The following TMEM163 variants were observed in gnomAD, a reference collection of about 807,000 sequenced individuals.
TMEM163 encodes transmembrane protein 163.
A neutral mutation model predicts 29.3 loss-of-function variants in TMEM163; 17 were observed. That is an observed-to-expected ratio of 0.58 (90% confidence interval 0.40 to 0.87). The LOEUF (loss-of-function observed/expected upper bound fraction) is 0.87, where lower values mean the gene tolerates loss of function less well. Among genes scored for constraint, TMEM163 ranks in the 40% least tolerant of loss-of-function variants. The pLI, the probability that TMEM163 is intolerant of heterozygous loss-of-function variation, is 0.00. For synonymous variants in TMEM163, 157 were observed against 160.6 expected (o/e 0.98, Z 0.17); for missense variants, 303 against 381.5 (o/e 0.79, Z 1.71).
intron 2 of TMEM163, among the ~76,000 whole-genome samples, chr2:134,585,728 C>T (rs1002574528): frequency 1.8e-4 from 25 of 137,942 alleles, no homozygotes; most frequent in South Asian, 7.6e-4. Flanking sequence ...GGCGACAGAG[C>T]GAGACTCCGT....
At chr2:134,630,569 A>G (rs1015985934) in intron 2 of TMEM163, among the ~76,000 whole-genome samples, 28 of 152,184 alleles carry the variant, frequency 1.8e-4, no homozygotes, top group Admixed American at 5.9e-4. Flanking sequence ...GGGCCCGGCC[A>G]TCTTGACACA....
At chr2:134,695,862 C>A (rs1274281092) in intron 2 of TMEM163, among the ~76,000 whole-genome samples, 1 of 152,016 alleles carries the variant, frequency 6.6e-6, no homozygotes, top group Non-Finnish European at 1.5e-5. Flanking sequence ...ACCAGCCCGG[C>A]CAATATGGCG....
intron 2 of TMEM163, among the ~76,000 whole-genome samples, chr2:134,555,413 A>T (rs1681028775): frequency 6.6e-6 from 1 of 152,234 alleles, no homozygotes; most frequent in African/African-American, 2.4e-5. Flanking sequence ...CTCCATGCAC[A>T]TGTGGCTGAG....
At chr2:134,517,805 A>C (rs2106493802) in intron 4 of TMEM163, among the ~76,000 whole-genome samples, 1 of 152,348 alleles carries the variant, frequency 6.6e-6, no homozygotes, top group East Asian at 1.9e-4. Flanking sequence ...TAAGGCTCAG[A>C]TTTATTTGCA....
chr2:134,621,866 G>T (rs1451983761), intron 2 of TMEM163, among the ~76,000 whole-genome samples: 1 of 151,996 alleles, frequency 6.6e-6, no homozygotes, highest in African/African-American at 2.4e-5. Flanking sequence ...ACTCCAGCCA[G>T]GGCGACAGAG....
At chr2:134,668,625 CAAAAA>C (rs1173331892) in intron 2 of TMEM163, among the ~76,000 whole-genome samples, 1 of 114,308 alleles carries the variant, frequency 8.7e-6, no homozygotes, top group African/African-American at 3.3e-5. Flanking sequence ...AACTCCGTCT[CAAAAA>C]AAAAAAAAAG....
At chr2:134,651,542 A>T (rs1177089190) in intron 2 of TMEM163, among the ~76,000 whole-genome samples, 9 of 123,660 alleles carry the variant, frequency 7.3e-5, no homozygotes, top group Admixed American at 3.2e-4. Context: ...GAAGCTCTTT[A>T]GTTTAATTAG....
chr2:134,470,993 G>A (rs965102709), intron 5 of TMEM163, among the ~76,000 whole-genome samples: 12 of 152,324 alleles, frequency 7.9e-5, no homozygotes, highest in African/African-American at 2.9e-4. Context: ...GCAACATAGC[G>A]AGACCTGGTC....
chr2:134,616,555 A>G (rs1682613268), intron 2 of TMEM163, among the ~76,000 whole-genome samples: 1 of 152,258 alleles, frequency 6.6e-6, no homozygotes, highest in Non-Finnish European at 1.5e-5. Context: ...GGCTGGTATC[A>G]TCACTTAAAA....
chr2:134,582,889 C>A (rs972533277), intron 2 of TMEM163, among the ~76,000 whole-genome samples: 4 of 152,084 alleles, frequency 2.6e-5, no homozygotes, highest in Non-Finnish European at 5.9e-5. Context: ...GCCTAAATTC[C>A]CTTCTACCTG....
intron 2 of TMEM163, among the ~76,000 whole-genome samples, chr2:134,642,411 C>T (rs1683241282): frequency 6.6e-6 from 1 of 152,046 alleles, no homozygotes; most frequent in Admixed American, 6.6e-5. Flanking sequence ...ATTACAGGCA[C>T]GAGCCACCGC....
At chr2:134,630,490 G>A (rs147626382) in intron 2 of TMEM163, among the ~76,000 whole-genome samples, 215 of 152,220 alleles carry the variant, frequency 1.4e-3, no homozygotes, top group Middle Eastern at 6.8e-3. Flanking sequence ...AATAAGACAA[G>A]CAGGGCGAGA....
At chr2:134,660,729 C>A (rs1683728436) in intron 2 of TMEM163, among the ~76,000 whole-genome samples, 1 of 152,194 alleles carries the variant, frequency 6.6e-6, no homozygotes, top group Non-Finnish European at 1.5e-5. Context: ...GGCCATTAGA[C>A]ACACCCCAAT....
At chr2:134,575,622 C>T (rs1226480353) in intron 2 of TMEM163, among the ~76,000 whole-genome samples, 1 of 152,118 alleles carries the variant, frequency 6.6e-6, no homozygotes, top group Non-Finnish European at 1.5e-5. Context: ...TGCCCAGCAC[C>T]CTAGGAAGGT....
At chr2:134,717,031 T>C (rs538312451) in intron 1 of TMEM163, among the ~76,000 whole-genome samples, 1 of 152,324 alleles carries the variant, frequency 6.6e-6, no homozygotes, top group African/African-American at 2.4e-5. Flanking sequence ...TGAAATTCCG[T>C]TGACCAGAGA....
intron 2 of TMEM163, among the ~76,000 whole-genome samples, chr2:134,626,675 G>A (rs1682859217): frequency 6.6e-6 from 1 of 152,188 alleles, no homozygotes; most frequent in South Asian, 2.1e-4. Context: ...ACATCATTGG[G>A]TAGTGATGAG....
At chr2:134,595,584 G>A (rs539891896) in intron 2 of TMEM163, among the ~76,000 whole-genome samples, 9 of 152,198 alleles carry the variant, frequency 5.9e-5, no homozygotes, top group East Asian at 3.9e-4. Context: ...ATATGTGTGC[G>A]TGTGTCTTTA....
At chr2:134,679,436 G>C (rs1251526017) in intron 2 of TMEM163, among the ~76,000 whole-genome samples, 1 of 152,060 alleles carries the variant, frequency 6.6e-6, no homozygotes, top group African/African-American at 2.4e-5. Context: ...ACAGATATAT[G>C]TCATGGCCTT....
intron 6 of TMEM163, among the ~76,000 whole-genome samples, chr2:134,465,912 T>C (rs1186452906): frequency 6.6e-6 from 1 of 152,200 alleles, no homozygotes; most frequent in East Asian, 1.9e-4. Context: ...GAAGAGTTTA[T>C]TGAATTCCCA....
Sources: allele counts gnomAD v4.1 joint callset (sites outside exome capture counted in the v4.1 genomes callset), GRCh38; gene constraint gnomAD v4.1.1; transcripts MANE v1.5; gene names NCBI Gene and HGNC (gene_info 2026-07-23, HGNC 2026-07-21).